Variants in PRMT9 observed in about 807,000 individuals in gnomAD.
PRMT9 encodes protein arginine methyltransferase 9, also known as protein arginine N-methyltransferase 9.
Under a neutral mutation model 83.2 loss-of-function variants are expected in PRMT9, and 59 were observed. The observed-to-expected ratio is 0.71, with a 90% CI of 0.57 to 0.88. The LOEUF is 0.88. Among genes scored for constraint, PRMT9 ranks in the 40% least tolerant of loss-of-function variants. The pLI is 0.00. For synonymous variants in PRMT9, 333 were observed against 353.2 expected (o/e 0.94, Z 0.64); for missense variants, 947 against 1,021.9 (o/e 0.93, Z 1.00).
intron 11 of PRMT9, 73 bp downstream of exon 11, chr4:147,638,887 T>TAA (rs1207831470): frequency 1.3e-5 from 19 of 1,443,398 alleles, no homozygotes; most frequent in Non-Finnish European, 1.5e-5. Context: ...AAAGTATGTA[T>TAA]AAAAGTATTA....
rs559706879 is a variant in PRMT9 at position 147,669,301 on chromosome 4, G to A, written c.847-656C>T. ...TGAGGTGGGAGGGCCACTTGAGCCC[G>A]GGAGTTTGAGGCTGCAGTAAGCTAA... On this transcript the variant is annotated intron_variant, in intron 5 of 11. Transcript: ENST00000322396. Among the ~76,000 whole-genome samples, 14 of 152,052 alleles carry A rather than the reference G, an allele frequency of 9.2e-5. 1 individual carries two copies. The East Asian group carries it at 1.9e-3, about 21-fold the overall frequency.
At chr4:147,680,718 T>G (rs1736408698) in intron 1 of PRMT9, among the ~76,000 whole-genome samples, 1 of 152,244 alleles carries the variant, frequency 6.6e-6, no homozygotes. Flanking sequence ...TCTTAGCTGC[T>G]GTATCACATT....
intron 8 of PRMT9, 23 bp downstream of exon 8, chr4:147,657,766 TAAA>T: frequency 7.9e-7 from 1 of 1,269,570 alleles, no homozygotes; most frequent in Non-Finnish European, 1.1e-6. Context: ...AGCAAGAGGT[TAAA>T]AAAAAAAATG....
chr4:147,660,833 GA>G lies in PRMT9; in HGVS notation c.1146+12del. 1 of 1,583,278 alleles carries G rather than the reference GA, an allele frequency of 6.3e-7. No individual in the cohort carries two copies. The highest frequency in any genetic ancestry group is 8.7e-7 in the Non-Finnish European group (1 of 1,152,146). Reference sequence around the variant, plus strand: ...AATTTAATGCTTGAAAATAGTAACTGAATTTTTTTCACCTGAAGGTTGTTGA... The same window carrying G: ...AATTTAATGCTTGAAAATAGTAACTGATTTTTTTCACCTGAAGGTTGTTGA... On this transcript the variant is annotated intron_variant, in intron 7 of 11. Transcript: ENST00000322396.
intron 6 of PRMT9, among the ~76,000 whole-genome samples, chr4:147,663,684 G>A (rs1735129421): frequency 6.6e-6 from 1 of 152,084 alleles, no homozygotes; most frequent in Non-Finnish European, 1.5e-5. Context: ...TCTTGCTAAT[G>A]TATTATAAAC....
At chr4:147,670,989 G>A (rs1735689904) in intron 4 of PRMT9, among the ~76,000 whole-genome samples, 1 of 151,984 alleles carries the variant, frequency 6.6e-6, no homozygotes, top group South Asian at 2.1e-4. Flanking sequence ...GGGGGGAGGT[G>A]GGGAATGACA....
intron 6 of PRMT9, among the ~76,000 whole-genome samples, chr4:147,663,264 TC>T (rs1415385636): frequency 7.9e-5 from 12 of 152,074 alleles, no homozygotes; most frequent in African/African-American, 2.9e-4. Flanking sequence ...CGCCTCAGCC[TC>T]CCAAAGTGCT....
intron 1 of PRMT9, 79 bp downstream of exon 1, chr4:147,683,720 C>T: frequency 9.5e-7 from 1 of 1,049,862 alleles, no homozygotes; most frequent in Non-Finnish European, 1.4e-6. Flanking sequence ...AGCCCCTCCG[C>T]TTTTTTTTTT....
In PRMT9 at chr4:147,642,900, C is replaced by T; in HGVS notation, c.2086G>A (p.Val696Met). 6.2e-7 allele frequency: 1 copy of T among 1,614,092 alleles called. No individual in the cohort carries two copies. Among genetic ancestry groups the T allele is most frequent in the Non-Finnish European group, 8.5e-7 (1 of 1,179,934 alleles). The stretch of plus-strand genomic sequence containing the variant: ...TCCACAAGCAACCCAAACATCAGCA[C>T]ATACTGAGGAAAGATCTTGCCTCCA... Reference protein sequence around the residue: ...QSGGKIFPQYVLMFGLLVESQ... With the variant: ...QSGGKIFPQYMLMFGLLVESQ... Residue 696 changes from valine to methionine, a missense_variant, in exon 10 of 12, where the codon GTG becomes ATG. Transcript: ENST00000322396.
chr4:147,651,647 A>G (rs963869737), intron 9 of PRMT9, among the ~76,000 whole-genome samples: 1 of 152,254 alleles, frequency 6.6e-6, no homozygotes, highest in African/African-American at 2.4e-5. Context: ...ACTAATCATT[A>G]GTAAATCCTG....
chr4:147,683,414 C>G (rs1415374826), intron 1 of PRMT9, among the ~76,000 whole-genome samples: 1 of 152,134 alleles, frequency 6.6e-6, no homozygotes, highest in Admixed American at 6.6e-5. Context: ...CTGCAACAGC[C>G]GGCAGATGAC....
At chr4:147,668,452 G>C in intron 6 of PRMT9, 87 bp downstream of exon 6, 1 of 826,022 alleles carries the variant, frequency 1.2e-6, no homozygotes, top group Admixed American at 1.9e-5. Context: ...ATTCAGAACT[G>C]TGAGTCATTT....
At chr4:147,641,027 AT>A (rs1376134007) in intron 10 of PRMT9, among the ~76,000 whole-genome samples, 1 of 152,150 alleles carries the variant, frequency 6.6e-6, no homozygotes, top group Non-Finnish European at 1.5e-5. Context: ...TTTAAAATAT[AT>A]TGAGGATCTC....
At chr4:147,673,200 T>A in intron 3 of PRMT9, 74 bp from the exon 4 acceptor site, 1 of 1,359,502 alleles carries the variant, frequency 7.4e-7, no homozygotes, top group African/African-American at 1.4e-5. Flanking sequence ...GAAATGATGA[T>A]GCTAAAATGT....
chr4:147,648,500 G>T (rs1295427353), intron 9 of PRMT9, among the ~76,000 whole-genome samples: 1 of 152,180 alleles, frequency 6.6e-6, no homozygotes, highest in Non-Finnish European at 1.5e-5. Flanking sequence ...CTCTTCATCT[G>T]TATCCTTTGT....
In PRMT9 at chr4:147,654,053, T is replaced by C; in HGVS notation, c.1844A>G (p.His615Arg). 5.6e-6 allele frequency: 9 copies of C among 1,614,238 alleles called. No individual in the cohort carries two copies. The highest frequency in any genetic ancestry group is 5.9e-6 in the Non-Finnish European group (7 of 1,180,044). ...AGATATGAGGTCCAGAGCAATACGATGCTGGTCTTTCTCCACAGAACTGTA... is the reference window on the plus strand; with the variant it reads ...AGATATGAGGTCCAGAGCAATACGACGCTGGTCTTTCTCCACAGAACTGTA... ...KPYSSVEKDQ[H>R]RIALDLISEA... Residue 615 changes from histidine (H) to arginine (R), a missense_variant, in exon 9 of 12, where the codon CAT (histidine) becomes CGT (arginine). Physicochemically the swap from His to Arg is conservative, Grantham distance 29. Transcript: ENST00000322396.
intron 6 of PRMT9, among the ~76,000 whole-genome samples, chr4:147,666,666 TA>T (rs1735358434): frequency 1.3e-5 from 2 of 152,284 alleles, no homozygotes; most frequent in South Asian, 4.2e-4. Flanking sequence ...AACATTTGCT[TA>T]TTGAGAAGAG....
At position 147,657,817 on chromosome 4, in the gene PRMT9, A is replaced by T; in HGVS notation, c.1305T>A (p.Ala435=). 2 of 1,612,430 alleles carry T rather than the reference A, an allele frequency of 1.2e-6. No individual in the cohort carries two copies. Among genetic ancestry groups the T allele is most frequent in the Non-Finnish European group, 1.7e-6 (2 of 1,179,790 alleles). The change falls in exon 8 of 12, where the codon GCT becomes GCA. Residue 435 remains alanine (A), a synonymous_variant. Coordinates refer to ENST00000322396, the MANE Select transcript of PRMT9 (RefSeq NM_138364.4). ...CTGCAAGGTCCTGTACGGGGTAGAC[A>T]GCCTGTTCCCAACATGTTTCCTCAC... ...SPSEETCWEQ[A]VYPVQDLADY... is the part of the protein sequence containing the mutation.
intron 4 of PRMT9, chr4:147,671,867 G>C (rs1473704226): frequency 2.2e-6 from 1 of 456,220 alleles, no homozygotes; most frequent in South Asian, 1.5e-5. Context: ...CATACTGAAG[G>C]CCTTAACCCC....
Sources: allele counts gnomAD v4.1 joint callset (sites outside exome capture counted in the v4.1 genomes callset), GRCh38; gene constraint gnomAD v4.1.1; transcripts MANE v1.5; gene names NCBI Gene and HGNC (gene_info 2026-07-23, HGNC 2026-07-21).